Variants in IQCM observed in about 807,000 individuals in gnomAD.
IQCM encodes the protein IQ motif containing M.
A neutral mutation model predicts 57.6 loss-of-function variants in IQCM; 45 were observed. The ratio of observed to expected loss-of-function variants is 0.78; its 90% CI spans 0.62 to 1.00. IQCM has a LOEUF of 1.00. IQCM is among the 50% of genes least tolerant of loss of function. IQCM has a pLI of 0.00. For missense variants in IQCM, 468 were observed against 511.6 expected, an observed-to-expected ratio of 0.91 and a Z score of 0.82; for synonymous variants, 148 against 158.9, an observed-to-expected ratio of 0.93 and a Z score of 0.51.
chr4:149,540,083 C>T (rs1253758167), intron 12 of IQCM, among the ~76,000 whole-genome samples: 1 of 151,728 alleles, frequency 6.6e-6, no homozygotes, highest in Non-Finnish European at 1.5e-5. Flanking sequence ...AAGGGTAGGG[C>T]CCTACTTCAA....
At chr4:149,736,108 C>T (rs1766915334) in intron 3 of IQCM, among the ~76,000 whole-genome samples, 1 of 150,804 alleles carries the variant, frequency 6.6e-6, no homozygotes, top group South Asian at 2.1e-4. Flanking sequence ...CCACCACATC[C>T]AGCTAATTTT....
intron 12 of IQCM, among the ~76,000 whole-genome samples, chr4:149,452,951 A>G (rs1032636796): frequency 2.6e-5 from 4 of 151,478 alleles, no homozygotes; most frequent in Non-Finnish European, 5.9e-5. Flanking sequence ...TTCCAACCGC[A>G]GCATCATGCA....
intron 5 of IQCM, among the ~76,000 whole-genome samples, chr4:149,710,185 C>A (rs1416786062): frequency 6.6e-6 from 1 of 152,080 alleles, no homozygotes; most frequent in Admixed American, 6.6e-5. Context: ...TTGTAAGAGG[C>A]AGCTCTGAGC....
chr4:149,764,417 G>A (rs371067507), intron 2 of IQCM, among the ~76,000 whole-genome samples: 12 of 152,262 alleles, frequency 7.9e-5, no homozygotes, highest in East Asian at 7.7e-4. Context: ...GATTTCCTGA[G>A]GGACTTAGTA....
At chr4:149,796,071 T>C (rs1355667180) in intron 2 of IQCM, among the ~76,000 whole-genome samples, 1 of 152,112 alleles carries the variant, frequency 6.6e-6, no homozygotes, top group Non-Finnish European at 1.5e-5. Context: ...GGAGACTTTG[T>C]CTTTGGCCAC....
chr4:149,599,188 G>A (rs1754047009), intron 8 of IQCM, among the ~76,000 whole-genome samples: 1 of 151,984 alleles, frequency 6.6e-6, no homozygotes. Context: ...GCTATAGAAA[G>A]GATAAATAAA....
intron 12 of IQCM, among the ~76,000 whole-genome samples, chr4:149,465,777 A>G (rs897862855): frequency 2.0e-5 from 3 of 151,862 alleles, no homozygotes; most frequent in African/African-American, 7.3e-5. Flanking sequence ...TGTATTAGCC[A>G]CTATGCTTAC....
At chr4:149,656,243 A>G (rs1408196471) in intron 7 of IQCM, among the ~76,000 whole-genome samples, 1 of 152,176 alleles carries the variant, frequency 6.6e-6, no homozygotes, top group Non-Finnish European at 1.5e-5. Flanking sequence ...TATTATAAAC[A>G]TCTACACTTC....
chr4:149,590,632 T>A (rs1423476844), intron 8 of IQCM, among the ~76,000 whole-genome samples: 1 of 151,486 alleles, frequency 6.6e-6, no homozygotes, highest in African/African-American at 2.4e-5. Context: ...CCCCAGTGTG[T>A]GATGTTCCCC....
intron 2 of IQCM, among the ~76,000 whole-genome samples, chr4:149,791,451 A>G (rs1336459107): frequency 1.3e-5 from 2 of 152,102 alleles, no homozygotes; most frequent in Non-Finnish European, 2.9e-5. Context: ...CACTCTTTTC[A>G]TTATTTTGAA....
intron 13 of IQCM, among the ~76,000 whole-genome samples, chr4:149,421,207 G>A (rs1443082237): frequency 6.6e-6 from 1 of 152,018 alleles, no homozygotes; most frequent in East Asian, 1.9e-4. Flanking sequence ...TAATAACACA[G>A]TATACACTTT....
intron 5 of IQCM, among the ~76,000 whole-genome samples, chr4:149,716,249 C>T (rs1251006629): frequency 1.3e-5 from 2 of 152,232 alleles, no homozygotes; most frequent in Non-Finnish European, 2.9e-5. Context: ...CTTGTTGGTG[C>T]CCAAAGTTTG....
intron 13 of IQCM, among the ~76,000 whole-genome samples, chr4:149,387,799 C>T (rs1731529655): frequency 6.6e-6 from 1 of 151,864 alleles, no homozygotes; most frequent in African/African-American, 2.4e-5. Context: ...ACATTTTCAA[C>T]ACCCACCCTC....
chr4:149,702,837 T>C (rs1763869257), intron 5 of IQCM, among the ~76,000 whole-genome samples: 2 of 151,864 alleles, frequency 1.3e-5, no homozygotes, highest in South Asian at 4.1e-4. Context: ...AGTAAGAGAG[T>C]AACTTTTTTA....
chr4:149,498,658 G>T (rs1742923966), intron 12 of IQCM, among the ~76,000 whole-genome samples: 1 of 152,136 alleles, frequency 6.6e-6, no homozygotes, highest in African/African-American at 2.4e-5. Flanking sequence ...ACAGCTCATA[G>T]AGAGTAAGTG....
rs145830482 is a variant in IQCM, at chr4:149,789,783, TC to T, written c.-49+25527del. Among the ~76,000 whole-genome samples the T allele has an allele frequency of 6.5e-3, 991 of 151,912 alleles. 11 individuals are homozygous for T. The highest frequency in any genetic ancestry group is 0.023 in the African/African-American group (934 of 41,400). On this transcript the variant is annotated intron_variant, in intron 2 of 13. Coordinates refer to ENST00000636793, the MANE Select transcript of IQCM (RefSeq NM_001363507.2). ...TGAGCATGGTGTTACACGCCTGTGGTCCCAGATACTCAGGAGGCTAAGGAGT... is the reference window on the plus strand; with the variant it reads ...TGAGCATGGTGTTACACGCCTGTGGTCCAGATACTCAGGAGGCTAAGGAGT...
At chr4:149,759,753 C>A (rs764363228) in intron 2 of IQCM, among the ~76,000 whole-genome samples, 12 of 151,736 alleles carry the variant, frequency 7.9e-5, no homozygotes, top group Non-Finnish European at 1.2e-4. Flanking sequence ...CTATGAAAAG[C>A]AAAGTAATAT....
intron 12 of IQCM, among the ~76,000 whole-genome samples, chr4:149,465,210 GT>G (rs1477153363): frequency 5.3e-5 from 8 of 152,148 alleles, no homozygotes; most frequent in Non-Finnish European, 1.0e-4. Context: ...GAAGAGCAAA[GT>G]AGTAATACAT....
At chr4:149,389,624 C>T (rs1382043110) in intron 13 of IQCM, among the ~76,000 whole-genome samples, 6 of 150,284 alleles carry the variant, frequency 4.0e-5, no homozygotes, top group South Asian at 4.2e-4. Context: ...AACCAAACAC[C>T]GCATATTCTC....
Sources: gnomAD v4.1 joint callset for allele counts (sites outside exome capture counted in the v4.1 genomes callset) on GRCh38, gnomAD v4.1.1 for gene constraint, MANE v1.5 for transcripts, NCBI Gene and HGNC (gene_info 2026-07-23, HGNC 2026-07-21) for gene names.